The following LARGE1 variants were observed in gnomAD, a reference collection of about 807,000 sequenced individuals.
LARGE1 encodes the protein xylosyl- and glucuronyltransferase LARGE1.
A neutral mutation model predicts 87.6 loss-of-function variants in LARGE1; 43 were observed. The observed-to-expected ratio is 0.49, with a 90% CI of 0.38 to 0.63. LARGE1 has a LOEUF of 0.63. LARGE1 is among the 30% of genes least tolerant of loss of function. The pLI is 0.00. For missense variants in LARGE1, 802 were observed against 1,000.2 expected, an observed-to-expected ratio of 0.80 and a Z score of 2.67; for synonymous variants, 434 against 394.6, an observed-to-expected ratio of 1.10 and a Z score of -1.18.
intron 7 of LARGE1, among the ~76,000 whole-genome samples, chr22:33,425,877 C>T (rs940727600): frequency 1.3e-5 from 2 of 152,212 alleles, no homozygotes; most frequent in Admixed American, 6.5e-5. Flanking sequence ...GCTGGGACTA[C>T]AGGCACGTGC....
At chr22:33,648,412 C>T (rs1396417811) in intron 3 of LARGE1, among the ~76,000 whole-genome samples, 1 of 151,806 alleles carries the variant, frequency 6.6e-6, no homozygotes, top group Non-Finnish European at 1.5e-5. Context: ...TCTTTAGGTT[C>T]TATGTCATAA....
chr22:33,240,036 C>T (rs1044988032), intron 11 of LARGE1, among the ~76,000 whole-genome samples: 3 of 152,134 alleles, frequency 2.0e-5, no homozygotes, highest in Non-Finnish European at 2.9e-5. Context: ...GCCTAGTCAT[C>T]GTGGAGAAGT....
intron 1 of LARGE1, among the ~76,000 whole-genome samples, chr22:33,815,919 T>C (rs577067099): frequency 1.3e-5 from 2 of 152,272 alleles, no homozygotes; most frequent in South Asian, 4.2e-4. Flanking sequence ...CATTTGCAGA[T>C]CATCATAAGT....
chr22:33,529,142 AT>A (rs1453219553), intron 6 of LARGE1, among the ~76,000 whole-genome samples: 1 of 152,192 alleles, frequency 6.6e-6, no homozygotes, highest in Non-Finnish European at 1.5e-5. Context: ...AGGAAACTCT[AT>A]AAAGAATTGG....
chr22:33,286,395 G>T (rs753260876), intron 12 of LARGE1, among the ~76,000 whole-genome samples: 6 of 152,118 alleles, frequency 3.9e-5, no homozygotes, highest in Non-Finnish European at 7.3e-5. Context: ...GAATATACTT[G>T]GACCAAGACA....
intron 7 of LARGE1, among the ~76,000 whole-genome samples, chr22:33,395,008 C>G (rs931501923): frequency 6.6e-6 from 1 of 151,956 alleles, no homozygotes; most frequent in Non-Finnish European, 1.5e-5. Context: ...TGGCAGATCA[C>G]GAGGTCAGGA....
At chr22:33,524,558 C>T (rs761304494) in intron 6 of LARGE1, among the ~76,000 whole-genome samples, 21 of 152,092 alleles carry the variant, frequency 1.4e-4, no homozygotes, top group African/African-American at 3.4e-4. Flanking sequence ...CTCTCCCATT[C>T]GCTCCAACCC....
chr22:33,643,915 A>G (rs1385932088), intron 3 of LARGE1, among the ~76,000 whole-genome samples: 1 of 152,210 alleles, frequency 6.6e-6, no homozygotes, highest in Non-Finnish European at 1.5e-5. Flanking sequence ...TTGAGGCAGT[A>G]ATTAATAGCC....
intron 2 of LARGE1, among the ~76,000 whole-genome samples, chr22:33,679,918 CAGA>C (rs1469772606): frequency 1.3e-5 from 2 of 152,164 alleles, no homozygotes; most frequent in Non-Finnish European, 2.9e-5. Flanking sequence ...CTGGCATCTC[CAGA>C]AGGAGTATGG....
chr22:33,591,022 A>G (rs5754620), intron 5 of LARGE1, among the ~76,000 whole-genome samples: 89,207 of 152,024 alleles, frequency 0.59, 26,610 homozygotes, highest in African/African-American at 0.71. Context: ...CCAATATGGC[A>G]AAACCCCGTC....
At chr22:33,382,976 A>G (rs2065206416) in intron 8 of LARGE1, among the ~76,000 whole-genome samples, 1 of 152,220 alleles carries the variant, frequency 6.6e-6, no homozygotes, top group Non-Finnish European at 1.5e-5. Flanking sequence ...AAAAATAGTA[A>G]AGTAATCATG....
intron 1 of LARGE1, among the ~76,000 whole-genome samples, chr22:33,836,162 T>C (rs1288796514): frequency 1.3e-5 from 2 of 152,182 alleles, no homozygotes; most frequent in African/African-American, 2.4e-5. Flanking sequence ...GCTGGTGTGA[T>C]GGAAAGGAAA....
chr22:33,907,654 G>A (rs938941128), intron 1 of LARGE1, among the ~76,000 whole-genome samples: 9 of 151,328 alleles, frequency 5.9e-5, no homozygotes, highest in Non-Finnish European at 8.8e-5. Flanking sequence ...TGCAACCTCC[G>A]CCTCCCGGGT....
chr22:33,274,823 T>G (rs1042587974), intron 14 of LARGE1, among the ~76,000 whole-genome samples, 199 bp from the exon 15 acceptor site: 1 of 152,168 alleles, frequency 6.6e-6, no homozygotes, highest in African/African-American at 2.4e-5. Context: ...GGAAACTGGC[T>G]TCTCTGAGCC....
At chr22:33,722,502 A>G (rs114634360) in intron 2 of LARGE1, among the ~76,000 whole-genome samples, 1,907 of 152,322 alleles carry the variant, frequency 0.013, 36 homozygotes, top group African/African-American at 0.044. Context: ...ATACAACGGT[A>G]AAAGTCCTTC....
At chr22:33,577,584 A>C (rs1344556570) in intron 5 of LARGE1, among the ~76,000 whole-genome samples, 2 of 152,168 alleles carry the variant, frequency 1.3e-5, no homozygotes, top group South Asian at 4.1e-4. Flanking sequence ...GAGCCATCTA[A>C]AAAGGGCAGC....
chr22:33,654,982 ATTGATCATACAC>A (rs2149204824), intron 2 of LARGE1, among the ~76,000 whole-genome samples: 1 of 152,324 alleles, frequency 6.6e-6, no homozygotes, highest in African/African-American at 2.4e-5. Flanking sequence ...AATCAAGACT[ATTGATCATACAC>A]TTGATGCTGG....
chr22:33,382,063 A>C lies in LARGE1; in HGVS notation c.1006-19T>G. The C allele has an allele frequency of 6.2e-7, 1 of 1,614,002 alleles. No homozygotes were observed. Among genetic ancestry groups the C allele is most frequent in the South Asian group, 1.1e-5 (1 of 91,070 alleles). On this transcript the variant is annotated intron_variant, in intron 8 of 14. Transcript: ENST00000397394. Reference sequence around the variant, plus strand: ...AAATATCCTGGGGGATGAAAGCCAAAGACACAGTCAAGACAGTCGGATGGT... The same window carrying C: ...AAATATCCTGGGGGATGAAAGCCAACGACACAGTCAAGACAGTCGGATGGT...
At chr22:33,243,827 T>G (rs1466217067) in intron 11 of LARGE1, among the ~76,000 whole-genome samples, 1 of 152,174 alleles carries the variant, frequency 6.6e-6, no homozygotes, top group Non-Finnish European at 1.5e-5. Context: ...ATTCTGAAAG[T>G]AGTAAAATCA....
Sources: allele counts gnomAD v4.1 joint callset (sites outside exome capture counted in the v4.1 genomes callset), GRCh38; gene constraint gnomAD v4.1.1; transcripts MANE v1.5; gene names NCBI Gene and HGNC (gene_info 2026-07-23, HGNC 2026-07-21).